FHIT: variants seen among roughly 807,000 people sequenced by gnomAD.
The protein encoded by FHIT is fragile histidine triad diadenosine triphosphatase.
In FHIT, 19 loss-of-function variants were observed where a neutral mutation model predicts 17.9. The observed-to-expected ratio is 1.06, with a 90% CI of 0.74 to 1.56. The LOEUF (loss-of-function observed/expected upper bound fraction) is 1.56. Ranked by LOEUF, FHIT falls within the 40% of genes most tolerant of loss-of-function variation. The probability of loss-of-function intolerance (pLI) is 0.00; values close to 1 mark genes in which losing one functional copy is unlikely to be tolerated. For missense variants in FHIT, 248 were observed against 189.2 expected (o/e 1.31, Z -1.82); for synonymous variants, 81 against 69.7 (o/e 1.16, Z -0.81).
intron 8 of FHIT, among the ~76,000 whole-genome samples, chr3:59,914,630 C>T (rs1485834062): frequency 1.3e-5 from 2 of 152,034 alleles, no homozygotes; most frequent in African/African-American, 2.4e-5. Flanking sequence ...TCTTCTGTTT[C>T]CCCCTAATTC....
intron 3 of FHIT, among the ~76,000 whole-genome samples, chr3:60,930,156 T>C (rs1707867631): frequency 6.6e-6 from 1 of 151,892 alleles, no homozygotes; most frequent in Non-Finnish European, 1.5e-5. Context: ...GAAACCTGGC[T>C]AGCCATATGT....
At chr3:59,856,928 T>C (rs1702182818) in intron 8 of FHIT, among the ~76,000 whole-genome samples, 1 of 152,036 alleles carries the variant, frequency 6.6e-6, no homozygotes, top group Admixed American at 6.6e-5. Context: ...TGGTGGAGAT[T>C]ATGCTCAATT....
intron 5 of FHIT, among the ~76,000 whole-genome samples, chr3:60,169,921 G>T (rs557224049): frequency 2.6e-5 from 4 of 152,262 alleles, no homozygotes; most frequent in Admixed American, 6.5e-5. Flanking sequence ...CAATTGGCAA[G>T]AAAAAGAGGA....
chr3:60,062,169 C>A (rs76512981), intron 5 of FHIT, among the ~76,000 whole-genome samples: 1,749 of 152,172 alleles, frequency 0.011, 41 homozygotes, highest in African/African-American at 0.04. Context: ...AATCAATAAG[C>A]ATTGATTGAG....
At chr3:60,514,361 C>A (rs762773148) in intron 5 of FHIT, among the ~76,000 whole-genome samples, 2 of 152,218 alleles carry the variant, frequency 1.3e-5, no homozygotes, top group East Asian at 1.9e-4. Context: ...TCCTTCACTC[C>A]GGTTCCCACA....
At chr3:60,928,690 C>A (rs1168531362) in intron 3 of FHIT, among the ~76,000 whole-genome samples, 3 of 151,812 alleles carry the variant, frequency 2.0e-5, no homozygotes, top group Non-Finnish European at 4.4e-5. Context: ...TCTGAATAGA[C>A]CAATAACAGG....
At chr3:60,975,041 G>C (rs1710177488) in intron 3 of FHIT, among the ~76,000 whole-genome samples, 1 of 152,156 alleles carries the variant, frequency 6.6e-6, no homozygotes, top group Non-Finnish European at 1.5e-5. Flanking sequence ...GATGGTAGCT[G>C]TAAGTAATAT....
At position 60,766,807 on chromosome 3, in the gene FHIT, A is replaced by C. The variant is rs2205343; in HGVS notation, c.-18+55112T>G. On this transcript the variant is annotated intron_variant, in intron 4 of 9. Transcript: ENST00000492590. The stretch of plus-strand genomic sequence containing the variant: ...GTTAGTATATGCCAGGTACTGGGCT[A>C]GGTAGTAGGAACACAGAGATAAGCA... Among the ~76,000 whole-genome samples, 1,161 of 152,092 alleles carry C rather than the reference A, an allele frequency of 7.6e-3. 20 individuals are homozygous for C. Among genetic ancestry groups the C allele is most frequent in the South Asian group, 0.027 (130 of 4,828 alleles).
intron 5 of FHIT, among the ~76,000 whole-genome samples, chr3:60,161,120 A>T (rs1361338986): frequency 6.6e-6 from 1 of 152,180 alleles, no homozygotes; most frequent in East Asian, 1.9e-4. Flanking sequence ...TATGACAATA[A>T]CAGAAGAACT....
At chr3:60,443,169 T>A (rs1159937806) in intron 5 of FHIT, among the ~76,000 whole-genome samples, 1 of 152,178 alleles carries the variant, frequency 6.6e-6, no homozygotes, top group Non-Finnish European at 1.5e-5. Flanking sequence ...TAAGGAGATT[T>A]TGGGCTGAGA....
chr3:61,208,751 G>T (rs976814158), intron 1 of FHIT, among the ~76,000 whole-genome samples: 9 of 152,050 alleles, frequency 5.9e-5, no homozygotes, highest in East Asian at 1.9e-4. Context: ...GCACACTGAT[G>T]GGTCTTGACT....
chr3:60,958,471 T>C (rs1385342284), intron 3 of FHIT, among the ~76,000 whole-genome samples: 1 of 152,262 alleles, frequency 6.6e-6, no homozygotes, highest in Non-Finnish European at 1.5e-5. Context: ...TAGTATTATT[T>C]ATACTTAAGT....
intron 5 of FHIT, among the ~76,000 whole-genome samples, chr3:60,121,715 C>CA (rs763248825): frequency 3.8e-5 from 4 of 103,934 alleles, no homozygotes; most frequent in Non-Finnish European, 5.6e-5. Context: ...AACAAACACA[C>CA]ACACACACAC....
intron 3 of FHIT, among the ~76,000 whole-genome samples, chr3:60,949,002 A>G (rs903113704): frequency 4.6e-5 from 7 of 152,076 alleles, no homozygotes; most frequent in Admixed American, 3.9e-4. Flanking sequence ...ACTTTGCAAC[A>G]TTAAAAAAAA....
At chr3:60,847,424 T>G (rs926978186) in intron 3 of FHIT, among the ~76,000 whole-genome samples, 1 of 151,900 alleles carries the variant, frequency 6.6e-6, no homozygotes, top group South Asian at 2.1e-4. Flanking sequence ...AGCACTTCTT[T>G]ATGCTTGGAT....
chr3:60,067,440 A>T (rs1434508303), intron 5 of FHIT, among the ~76,000 whole-genome samples: 1 of 152,216 alleles, frequency 6.6e-6, no homozygotes, highest in African/African-American at 2.4e-5. Context: ...ACAAATGGGC[A>T]GTCAAAACTA....
In FHIT at chr3:60,628,936, T is replaced by TAGCTTGCCTCTCTC. The variant is rs60003979; in HGVS notation, c.-17-91971_-17-91958dup. ...TGGGGGTGGCAGCCTCTGGCTTTCT[T>TAGCTTGCCTCTCTC]AGCTTGCCTCTCTCAGCTTGCCTCT... On this transcript the variant is annotated intron_variant, in intron 4 of 9. Coordinates refer to ENST00000492590, the MANE Select transcript of FHIT (RefSeq NM_002012.4). Among the ~76,000 whole-genome samples, 137 of 151,402 alleles carry TAGCTTGCCTCTCTC rather than the reference T, an allele frequency of 9.0e-4. 1 individual carries two copies. The highest frequency in any genetic ancestry group is 3.2e-3 in the African/African-American group (132 of 41,216).
In FHIT at chr3:60,013,463, T is replaced by C. The variant is rs182927572; in HGVS notation, c.249+544A>G. ...GACATCCTTCTCCCAACCTGACAACTGTTGGCTCAACCTCTGCCTAAAAAT... is the reference window on the plus strand; with the variant it reads ...GACATCCTTCTCCCAACCTGACAACCGTTGGCTCAACCTCTGCCTAAAAAT... On this transcript the variant is annotated intron_variant, in intron 6 of 9. Coordinates refer to ENST00000492590, the MANE Select transcript of FHIT (RefSeq NM_002012.4). Among the ~76,000 whole-genome samples the C allele has an allele frequency of 1.2e-4, 18 of 152,308 alleles. 1 individual carries two copies. The East Asian group carries it at 3.5e-3, about 29-fold the overall frequency.
intron 5 of FHIT, among the ~76,000 whole-genome samples, chr3:60,370,703 T>G (rs1559860433): frequency 6.6e-6 from 1 of 152,140 alleles, no homozygotes; most frequent in African/African-American, 2.4e-5. Flanking sequence ...TATCTGAAGT[T>G]TGTCCCTCTG....
Sources: allele counts gnomAD v4.1 joint callset (sites outside exome capture counted in the v4.1 genomes callset), GRCh38; gene constraint gnomAD v4.1.1; transcripts MANE v1.5; gene names NCBI Gene and HGNC (gene_info 2026-07-23, HGNC 2026-07-21).